The following THSD7B variants were observed in gnomAD, a reference collection of about 807,000 sequenced individuals.
THSD7B encodes the protein thrombospondin type-1 domain-containing protein 7B.
Under a neutral mutation model 213.6 loss-of-function variants are expected in THSD7B, and 138 were observed. The observed-to-expected ratio is 0.65, with a 90% CI of 0.56 to 0.74. The LOEUF (loss-of-function observed/expected upper bound fraction) is 0.74, where lower values mean the gene tolerates loss of function less well. Among genes scored for constraint, THSD7B ranks in the 30% least tolerant of loss-of-function variants. The probability of loss-of-function intolerance (pLI) is 0.00; values close to 1 mark genes in which losing one functional copy is unlikely to be tolerated. For synonymous variants in THSD7B, 742 were observed against 687.0 expected (o/e 1.08, Z -1.25); for missense variants, 1,931 against 1,991.5 (o/e 0.97, Z 0.58).
intron 7 of THSD7B, among the ~76,000 whole-genome samples, chr2:137,175,661 G>A (rs1680344728): frequency 2.0e-5 from 3 of 152,066 alleles, no homozygotes; most frequent in Admixed American, 2.0e-4. Context: ...CTTTAATCTT[G>A]GCTAAAATGG....
chr2:137,132,217 T>C (rs997149273), intron 5 of THSD7B, among the ~76,000 whole-genome samples: 3 of 151,464 alleles, frequency 2.0e-5, no homozygotes, highest in African/African-American at 7.3e-5. Flanking sequence ...TTGTGATTTT[T>C]GTACATTGAT....
chr2:136,917,586 T>A lies in THSD7B; in HGVS notation c.139+35269T>A, dbSNP rs150049336. Among the ~76,000 whole-genome samples, 35 of 152,296 alleles carry A rather than the reference T, an allele frequency of 2.3e-4. 1 individual carries two copies. Among genetic ancestry groups the A allele is most frequent in the East Asian group, 1.7e-3 (9 of 5,180 alleles). On this transcript the variant is annotated intron_variant, in intron 2 of 27. Coordinates refer to ENST00000409968, the MANE Select transcript of THSD7B (RefSeq NM_001316349.2). ...TAATGGACTCTCCACCACATCTCTG[T>A]TATTGAGTAGTGATTAGTATACAGA...
At chr2:137,133,997 G>A (rs541760418) in intron 5 of THSD7B, among the ~76,000 whole-genome samples, 2 of 152,286 alleles carry the variant, frequency 1.3e-5, no homozygotes, top group African/African-American at 4.8e-5. Context: ...TCAGAACCTG[G>A]AAATAACACA....
rs1157849852 is a variant in THSD7B at position 137,555,974 on chromosome 2, G to A, written c.3139-7247G>A. On this transcript the variant is annotated intron_variant, in intron 15 of 27. Coordinates refer to ENST00000409968, the MANE Select transcript of THSD7B (RefSeq NM_001316349.2). ...GAAGATCAAATGAATGAAATGTAGC[G>A]AGAAGAGAAGTTTAGAGAAAGAAGA... Among the ~76,000 whole-genome samples the A allele has an allele frequency of 6.6e-5, 10 of 152,132 alleles. No individual in the cohort carries two copies. In the East Asian group the frequency reaches 1.3e-3, roughly 20 times the overall value.
intron 2 of THSD7B, among the ~76,000 whole-genome samples, chr2:136,998,261 C>CAAAAAAA (rs33931359): frequency 6.1e-5 from 6 of 98,390 alleles, no homozygotes; most frequent in Non-Finnish European, 8.5e-5. Flanking sequence ...ACTAAAAGGC[C>CAAAAAAA]AAAAAAAAAA....
chr2:137,673,538 TG>T (rs1683626263), intron 27 of THSD7B, among the ~76,000 whole-genome samples: 1 of 152,040 alleles, frequency 6.6e-6, no homozygotes. Context: ...GAAACCAGAG[TG>T]GAGGAGGAAA....
At chr2:136,770,059 C>A (rs879874603) in intron 1 of THSD7B, among the ~76,000 whole-genome samples, 30 of 152,324 alleles carry the variant, frequency 2.0e-4, no homozygotes, top group Non-Finnish European at 4.3e-4. Context: ...TGCATGAGGG[C>A]TGGCTGCTGA....
intron 15 of THSD7B, among the ~76,000 whole-genome samples, chr2:137,544,614 T>C (rs921246): frequency 2.6e-5 from 4 of 151,794 alleles, no homozygotes; most frequent in African/African-American, 9.7e-5. Context: ...ATGTATATAA[T>C]CCATGACTTT....
chr2:137,338,902 A>T (rs1397554557), intron 12 of THSD7B, among the ~76,000 whole-genome samples: 1 of 151,974 alleles, frequency 6.6e-6, no homozygotes, highest in Non-Finnish European at 1.5e-5. Flanking sequence ...CTCTTTAGAG[A>T]TTTTATGAAG....
At chr2:137,026,260 A>G (rs1343256417) in intron 2 of THSD7B, among the ~76,000 whole-genome samples, 10 of 152,128 alleles carry the variant, frequency 6.6e-5, no homozygotes, top group Admixed American at 5.2e-4. Context: ...TCCAGTGGAG[A>G]AAGTTCTTGT....
At chr2:137,602,250 C>T (rs939405277) in intron 17 of THSD7B, among the ~76,000 whole-genome samples, 2 of 151,850 alleles carry the variant, frequency 1.3e-5, no homozygotes, top group African/African-American at 4.8e-5. Context: ...TTTTCTTTCT[C>T]GTTTTTTTGT....
intron 1 of THSD7B, among the ~76,000 whole-genome samples, chr2:136,866,637 C>T (rs1259781879): frequency 6.6e-6 from 1 of 152,168 alleles, no homozygotes; most frequent in African/African-American, 2.4e-5. Context: ...TTCAGTAAGG[C>T]TTACTTATGA....
rs1228476254 is a variant in THSD7B, at chr2:136,890,507, CTTCTTCTTCT to C, written c.139+8202_139+8211del. ...CCTTTCTTCTCCTTTCTTCTCCTTT[CTTCTTCTTCT>C]TTCTTCTTCTTCTTCTTCTTCTTCT... On this transcript the variant is annotated intron_variant, in intron 2 of 27. Coordinates refer to ENST00000409968, the MANE Select transcript of THSD7B (RefSeq NM_001316349.2). Among the ~76,000 whole-genome samples the C allele has an allele frequency of 3.3e-4, 18 of 54,308 alleles. 7 individuals carry two copies. The highest frequency in any genetic ancestry group is 9.7e-4 in the African/African-American group (13 of 13,456). The allele number at this position is 54,308 out of a possible 152,430, so 35.6% of individuals were successfully genotyped here.
chr2:137,400,196 G>T (rs558145132), intron 12 of THSD7B, among the ~76,000 whole-genome samples: 1 of 151,984 alleles, frequency 6.6e-6, no homozygotes, highest in East Asian at 1.9e-4. Context: ...TCTAAAACAT[G>T]TACTTTTGAT....
rs868238620 is a variant in THSD7B, at chr2:137,373,171, T to C, written c.2501-32442T>C. Reference sequence around the variant, plus strand: ...CGCAATAAACATACGTGTGCATGTGTCTTTATAGCAGCATGATTTATACTC... The same window carrying C: ...CGCAATAAACATACGTGTGCATGTGCCTTTATAGCAGCATGATTTATACTC... On this transcript the variant is annotated intron_variant, in intron 12 of 27. Transcript: ENST00000409968. Among the ~76,000 whole-genome samples, 36 of 152,300 alleles carry C rather than the reference T, an allele frequency of 2.4e-4. 1 individual carries two copies. The Middle Eastern group carries it at 0.02, about 86-fold the overall frequency.
intron 2 of THSD7B, among the ~76,000 whole-genome samples, chr2:136,974,522 C>T (rs552571754): frequency 1.9e-3 from 293 of 152,274 alleles, no homozygotes; most frequent in Non-Finnish European, 3.6e-3. Flanking sequence ...CTACAAAGGA[C>T]ATGATCTCAT....
intron 1 of THSD7B, among the ~76,000 whole-genome samples, chr2:136,816,922 AT>A (rs1682482897): frequency 6.6e-6 from 1 of 152,084 alleles, no homozygotes; most frequent in South Asian, 2.1e-4. Flanking sequence ...TTTTTGGTAA[AT>A]TTTATATATG....
At chr2:137,404,464 TATATATATATACACAC>T (rs1445688328) in intron 12 of THSD7B, among the ~76,000 whole-genome samples, 11 of 74,352 alleles carry the variant, frequency 1.5e-4, no homozygotes, top group African/African-American at 3.2e-4. Context: ...TATATATATA[TATATATATATACACAC>T]ACACACACAC....
At chr2:137,664,406 C>T (rs1348298146) in intron 26 of THSD7B, among the ~76,000 whole-genome samples, 2 of 152,122 alleles carry the variant, frequency 1.3e-5, no homozygotes, top group Non-Finnish European at 2.9e-5. Flanking sequence ...TTCTCTGGAC[C>T]TCAGTTTTCT....
Sources: allele counts gnomAD v4.1 joint callset (sites outside exome capture counted in the v4.1 genomes callset), GRCh38; gene constraint gnomAD v4.1.1; transcripts MANE v1.5; gene names NCBI Gene and HGNC (gene_info 2026-07-23, HGNC 2026-07-21).